The following UTP20 variants were observed in gnomAD, a reference collection of about 807,000 sequenced individuals.
The protein encoded by UTP20 is small subunit processome component 20 homolog.
Under a neutral mutation model 329.5 loss-of-function variants are expected in UTP20, and 164 were observed. That is an observed-to-expected ratio of 0.50 (90% CI 0.44 to 0.57). The LOEUF (loss-of-function observed/expected upper bound fraction) is 0.57. UTP20 is among the 20% of genes least tolerant of loss of function. The probability of loss-of-function intolerance (pLI) is 0.00; values close to 1 mark genes in which losing one functional copy is unlikely to be tolerated. For synonymous variants in UTP20, 1,151 were observed against 1,159.3 expected, an observed-to-expected ratio of 0.99 and a Z score of 0.14; for missense variants, 3,055 against 3,284.2, an observed-to-expected ratio of 0.93 and a Z score of 1.71.
chr12:101,341,792 C>A (rs1316552048), intron 32 of UTP20, among the ~76,000 whole-genome samples: 1 of 152,082 alleles, frequency 6.6e-6, no homozygotes, highest in Non-Finnish European at 1.5e-5. Context: ...GTACTCCCAG[C>A]TACTTAGGAG....
chr12:101,298,864 CTTTG>C (rs1383891200), intron 12 of UTP20, among the ~76,000 whole-genome samples: 2 of 150,378 alleles, frequency 1.3e-5, no homozygotes, highest in Admixed American at 6.6e-5. Context: ...AATTTTTTTT[CTTTG>C]TTTTTGTTTT....
chr12:101,365,689 T>G (rs564653033), intron 46 of UTP20, 64 bp downstream of exon 46: 254 of 1,367,462 alleles, frequency 1.9e-4, no homozygotes, highest in South Asian at 1.8e-4. Context: ...TTCTGTGGGT[T>G]GTTTTAATAA....
intron 8 of UTP20, 55 bp downstream of exon 8, chr12:101,290,943 T>C: frequency 6.4e-7 from 1 of 1,553,552 alleles, no homozygotes; most frequent in Non-Finnish European, 8.7e-7. Flanking sequence ...GAATTTACTG[T>C]TTCTGCTCTC....
Position 101,308,183 on chromosome 12 carries a change from A to G in UTP20, c.1996-2A>G. On this transcript the variant is annotated splice_acceptor_variant, in intron 17 of 61. Coordinates refer to ENST00000261637, the MANE Select transcript of UTP20 (RefSeq NM_014503.3). LOFTEE classifies it high-confidence loss of function. ...TCTCCATGGTTTTCTCTGGTTATTCAGGATGATGGGCTCTCAGAGCGGCAG... is the reference window on the plus strand; with the variant it reads ...TCTCCATGGTTTTCTCTGGTTATTCGGGATGATGGGCTCTCAGAGCGGCAG... 6.3e-7 allele frequency: 1 copy of G among 1,599,394 alleles called. No homozygotes were observed. The highest frequency in any genetic ancestry group is 8.5e-7 in the Non-Finnish European group (1 of 1,174,188).
chr12:101,282,487 C>T (rs183414103), intron 2 of UTP20, among the ~76,000 whole-genome samples: 171 of 151,698 alleles, frequency 1.1e-3, no homozygotes, highest in Admixed American at 4.3e-3. Context: ...TTCATGGTGA[C>T]TGGGATGGGG....
intron 38 of UTP20, among the ~76,000 whole-genome samples, chr12:101,348,805 G>T (rs1593443156): frequency 3.0e-5 from 4 of 132,230 alleles, no homozygotes; most frequent in South Asian, 2.5e-4. Flanking sequence ...TTAAACACCT[G>T]GCCTCAAGCA....
chr12:101,303,332 A>G (rs1253465029), intron 15 of UTP20, among the ~76,000 whole-genome samples: 1 of 152,234 alleles, frequency 6.6e-6, no homozygotes, highest in Non-Finnish European at 1.5e-5. Context: ...ATAGCGTGTT[A>G]GGAGGTGCTA....
chr12:101,339,523 T>A (rs932029136), intron 31 of UTP20, among the ~76,000 whole-genome samples: 3 of 152,172 alleles, frequency 2.0e-5, no homozygotes, highest in African/African-American at 7.2e-5. Flanking sequence ...AGGGGACAGA[T>A]TTTTCAAAAT....
intron 39 of UTP20, 66 bp from the exon 40 acceptor site, chr12:101,352,981 C>A: frequency 1.0e-6 from 1 of 987,444 alleles, no homozygotes; most frequent in Non-Finnish European, 1.5e-6. Context: ...TAAATTTCCT[C>A]TCCTTTTATA....
Position 101,374,827 on chromosome 12 carries a change from C to G in UTP20, c.7151C>G (p.Ala2384Gly), listed in dbSNP as rs758763001. 2 of 1,168,912 alleles carry G rather than the reference C, an allele frequency of 1.7e-6. No homozygotes were observed. The highest frequency in any genetic ancestry group is 2.4e-5 in the South Asian group (2 of 82,200). 72.4% of individuals were successfully genotyped at this position (1,168,912 alleles called of 1,614,324 possible). A position where few individuals can be genotyped will look rare whatever the true frequency, so the allele number is the denominator to read the frequency against. The change falls in exon 55 of 62, where the codon GCT (alanine) becomes GGT (glycine). Residue 2384 changes from alanine (A) to glycine (G), a missense_variant. Physicochemically the swap from Ala to Gly is moderately conservative, Grantham distance 60. Coordinates refer to ENST00000261637, the MANE Select transcript of UTP20 (RefSeq NM_014503.3). ...TGGTAGCGCTTAAATAGACAACTTG[C>G]TGCCCTGATCTGTGGCTTGTTTGTG... ...GAKKRLNRQL[A>G]ALICGLFVES...
intron 15 of UTP20, 70 bp downstream of exon 15, chr12:101,302,623 G>A (rs528885390): frequency 2.9e-6 from 3 of 1,025,302 alleles, no homozygotes; most frequent in African/African-American, 1.7e-5. Flanking sequence ...GTGAAATCTT[G>A]GACACAAAGA....
intron 28 of UTP20, among the ~76,000 whole-genome samples, chr12:101,334,080 A>G (rs1206389722): frequency 1.3e-5 from 2 of 152,098 alleles, no homozygotes; most frequent in African/African-American, 4.8e-5. Context: ...TCTGGTTGTA[A>G]CCCCTTGGTG....
At chr12:101,327,721 A>T (rs574696416) in intron 26 of UTP20, among the ~76,000 whole-genome samples, 14 of 152,176 alleles carry the variant, frequency 9.2e-5, no homozygotes, top group Non-Finnish European at 2.1e-4. Context: ...CCTCAACCTG[A>T]TAGTTGAGAT....
Position 101,340,612 on chromosome 12 carries a change from T to G in UTP20, c.4101+2T>G. The G allele has an allele frequency of 6.3e-7, 1 of 1,593,224 alleles. No individual in the cohort carries two copies. Among genetic ancestry groups the G allele is most frequent in the Non-Finnish European group, 8.6e-7 (1 of 1,162,186 alleles). On this transcript the variant is annotated splice_donor_variant, in intron 32 of 61. Coordinates refer to ENST00000261637, the MANE Select transcript of UTP20 (RefSeq NM_014503.3). LOFTEE classifies it high-confidence loss of function. ...CTCCACCGTGGCAATATTGCTGAGGTACAAACTCATAGGACACTTAACTTT... is the reference window on the plus strand; with the variant it reads ...CTCCACCGTGGCAATATTGCTGAGGGACAAACTCATAGGACACTTAACTTT...
Position 101,366,349 on chromosome 12 carries a change from A to G in UTP20, c.6126-209A>G, listed in dbSNP as rs555466329. Among the ~76,000 whole-genome samples, 7 of 152,318 alleles carry G rather than the reference A, an allele frequency of 4.6e-5. 1 individual carries two copies. In the South Asian group the frequency reaches 1.0e-3, roughly 23 times the overall value. On this transcript the variant is annotated intron_variant, in intron 46 of 61. Transcript: ENST00000261637. ...AAGGGAGTATCCTGCTGTTGATCCT[A>G]ATATAAATATGTTGTCCTAGTAACC...
chr12:101,337,973 G>A (rs1868985396), intron 29 of UTP20, 78 bp from the exon 30 acceptor site: 2 of 1,306,276 alleles, frequency 1.5e-6, no homozygotes, highest in African/African-American at 2.9e-5. Context: ...TAAACTCATG[G>A]TGAAAATTCA....
In UTP20 at chr12:101,321,446, C is replaced by G. The variant is rs1485772957; in HGVS notation, c.2916-58C>G. 2.5e-6 allele frequency: 4 copies of G among 1,598,618 alleles called. No homozygotes were observed. The East Asian group carries it at 9.0e-5, about 36-fold the overall frequency. On this transcript the variant is annotated intron_variant, in intron 24 of 61. Transcript: ENST00000261637. ...ACTCTGTGTACATATTTCACTCTTT[C>G]ATTATTCAAAAGCACTGTTGATAAA...
chr12:101,363,478 T>C (rs1164957800), intron 44 of UTP20, 98 bp from the exon 45 acceptor site: 1 of 1,075,110 alleles, frequency 9.3e-7, no homozygotes, highest in Admixed American at 3.1e-5. Context: ...CTTGCATTTC[T>C]TTGATTTGGA....
chr12:101,358,094 C>T (rs1223082742), intron 43 of UTP20, among the ~76,000 whole-genome samples: 2 of 152,190 alleles, frequency 1.3e-5, no homozygotes, highest in Non-Finnish European at 2.9e-5. Flanking sequence ...TTACTTTGTA[C>T]ATCCTAGTTT....
Sources: gnomAD v4.1 joint callset for allele counts (sites outside exome capture counted in the v4.1 genomes callset) on GRCh38, gnomAD v4.1.1 for gene constraint, MANE v1.5 for transcripts, NCBI Gene and HGNC (gene_info 2026-07-23, HGNC 2026-07-21) for gene names.